The following MOG variants were observed in gnomAD, a reference collection of about 807,000 sequenced individuals.
The protein encoded by MOG is myelin oligodendrocyte glycoprotein.
A neutral mutation model predicts 35.9 loss-of-function variants in MOG; 20 were observed. That is an observed-to-expected ratio of 0.56 (90% confidence interval 0.39 to 0.81). The LOEUF is 0.81. MOG is among the 30% of genes least tolerant of loss of function. The pLI, the probability that MOG is intolerant of heterozygous loss-of-function variation, is 0.00. For synonymous variants in MOG, 92 were observed against 114.3 expected (o/e 0.80, Z 1.25); for missense variants, 251 against 301.0 (o/e 0.83, Z 1.23).
chr6:29,667,803 G>A (rs1770546089), intron 4 of MOG, 101 bp from the exon 5 acceptor site: 8 of 1,540,478 alleles, frequency 5.2e-6, no homozygotes, highest in Admixed American at 1.7e-5. Flanking sequence ...TGGGTGTGTC[G>A]TGCCTAGAAC....
intron 3 of MOG, among the ~76,000 whole-genome samples, chr6:29,666,606 G>A (rs748130957): frequency 1.1e-4 from 17 of 152,278 alleles, no homozygotes; most frequent in Non-Finnish European, 2.2e-4. Context: ...ATCATACCTA[G>A]CAGCTCCATG....
At chr6:29,664,870 CA>C (rs1320656593) in intron 2 of MOG, 4 of 280,940 alleles carry the variant, frequency 1.4e-5, no homozygotes, top group Non-Finnish European at 2.8e-5. Flanking sequence ...CTTGGCCTCC[CA>C]AAGTGGTGGG....
Position 29,670,668 on chromosome 6 carries a change from A to G in MOG, c.710-33A>G, listed in dbSNP as rs1167874884. The G allele has an allele frequency of 6.2e-7, 1 of 1,611,030 alleles. No individual in the cohort carries two copies. The highest frequency in any genetic ancestry group is 8.5e-7 in the Non-Finnish European group (1 of 1,179,076). ...GTGGGGAAGGTGCTATTCATCTTCCACTAATCACATATTTGTTTCTTTTTG... is the reference window on the plus strand; with the variant it reads ...GTGGGGAAGGTGCTATTCATCTTCCGCTAATCACATATTTGTTTCTTTTTG... On this transcript the variant is annotated intron_variant, in intron 6 of 7. Coordinates refer to ENST00000376917, the MANE Select transcript of MOG (RefSeq NM_206809.4). The surrounding 1 kb of genome is among the most constrained non-coding windows in gnomAD (Gnocchi z 4.2).
intron 1 of MOG, among the ~76,000 whole-genome samples, chr6:29,658,941 A>C (rs1296470750): frequency 1.3e-5 from 2 of 152,130 alleles, no homozygotes; most frequent in African/African-American, 4.8e-5. Flanking sequence ...GTGAAACCTC[A>C]TCTTTACTAA....
intron 2 of MOG, among the ~76,000 whole-genome samples, chr6:29,665,579 T>C (rs563199247): frequency 1.6e-4 from 24 of 152,306 alleles, no homozygotes; most frequent in Middle Eastern, 6.8e-3. Flanking sequence ...ATTACCACTG[T>C]CCTAGTTCAG....
At chr6:29,667,164 T>C in intron 3 of MOG, among the ~76,000 whole-genome samples, 1 of 152,206 alleles carries the variant, frequency 6.6e-6, no homozygotes, top group East Asian at 1.9e-4. Context: ...TTCAGTTGCC[T>C]TGTCTGTCAA....
In MOG at chr6:29,659,299, C is replaced by T; in HGVS notation, c.89-20C>T. ...GGTTCCCTCTGACCTTAAATCTCTT[C>T]CTTTTGGTGTCTTGGACAGGGCAGT... is the stretch of plus-strand genomic sequence containing the variant. On this transcript the variant is annotated intron_variant, in intron 1 of 7. Transcript: ENST00000376917. 6.2e-7 allele frequency: 1 copy of T among 1,611,958 alleles called. No individual in the cohort carries two copies. Among genetic ancestry groups the T allele is most frequent in the Non-Finnish European group, 8.5e-7 (1 of 1,179,094 alleles).
intron 2 of MOG, among the ~76,000 whole-genome samples, chr6:29,664,257 G>A (rs890996380): frequency 1.3e-5 from 2 of 150,626 alleles, no homozygotes; most frequent in Non-Finnish European, 3.0e-5. Flanking sequence ...ACCCAGGCTG[G>A]AGTGCAATGG....
chr6:29,668,049 TTAAA>T, intron 5 of MOG, 125 bp downstream of exon 5: 4 of 889,812 alleles, frequency 4.5e-6, no homozygotes, highest in Non-Finnish European at 7.4e-6. Context: ...TTTTCTTTCT[TTAAA>T]TAAGAAGTCA....
intron 2 of MOG, among the ~76,000 whole-genome samples, chr6:29,665,250 C>A (rs1021401272): frequency 6.6e-6 from 1 of 151,986 alleles, no homozygotes; most frequent in African/African-American, 2.4e-5. Context: ...GACTGTGCCA[C>A]CACGTCCAGC....
chr6:29,667,870 C>T, intron 4 of MOG, 34 bp from the exon 5 acceptor site: 1 of 1,613,432 alleles, frequency 6.2e-7, no homozygotes, highest in Admixed American at 1.7e-5. Context: ...TTTGAGTGCC[C>T]TACTAAATCC....
At position 29,667,624 on chromosome 6, in the gene MOG, T is replaced by G. The variant is rs201365011; in HGVS notation, c.551-19T>G. ...GCCAGAACATGCAGGAACTAAAATG[T>G]TGCCTTTTTCTATTTTAGGAAAACT... On this transcript the variant is annotated intron_variant, in intron 3 of 7. Transcript: ENST00000376917. 6.2e-7 allele frequency: 1 copy of G among 1,613,914 alleles called. No individual in the cohort carries two copies. Among genetic ancestry groups the G allele is most frequent in the East Asian group, 2.2e-5 (1 of 44,866 alleles).
At chr6:29,657,509 A>C (rs1562172560) in intron 1 of MOG, among the ~76,000 whole-genome samples, 1 of 150,462 alleles carries the variant, frequency 6.6e-6, no homozygotes. Flanking sequence ...TTTGAGACAG[A>C]GTCTCCCTCT....
intron 1 of MOG, 22 bp from the exon 2 acceptor site, chr6:29,659,297 T>C (rs1418049105): frequency 6.2e-7 from 1 of 1,612,012 alleles, no homozygotes. Context: ...CTTAAATCTC[T>C]TCCTTTTGGT....
intron 5 of MOG, among the ~76,000 whole-genome samples, chr6:29,668,961 CTT>C (rs1030261813): frequency 2.1e-5 from 3 of 146,204 alleles, no homozygotes; most frequent in Admixed American, 6.9e-5. Flanking sequence ...GAGTTTTGCT[CTT>C]GTCACCCAGG....
chr6:29,667,572 C>G, intron 3 of MOG, 71 bp from the exon 4 acceptor site: 1 of 1,538,080 alleles, frequency 6.5e-7, no homozygotes, highest in Non-Finnish European at 9.0e-7. Context: ...GGCCCAGGCG[C>G]TGGGTGTGGG....
intron 2 of MOG, among the ~76,000 whole-genome samples, chr6:29,660,365 CAA>C (rs41283830): frequency 2.0e-4 from 23 of 114,536 alleles, no homozygotes; most frequent in Admixed American, 2.7e-4. Context: ...ACTAAAAATA[CAA>C]AAAAAAAAAA....
chr6:29,661,565 A>G, intron 2 of MOG: 1 of 984,498 alleles, frequency 1.0e-6, no homozygotes, highest in African/African-American at 1.7e-5. Flanking sequence ...TCACACCTAT[A>G]ATCCCAAAAC....
chr6:29,668,016 G>A, intron 5 of MOG, 92 bp downstream of exon 5: 1 of 1,174,522 alleles, frequency 8.5e-7, no homozygotes, highest in Non-Finnish European at 1.3e-6. Context: ...CTGGCTCCTG[G>A]TTGAGTCCCT....
Sources: allele counts gnomAD v4.1 joint callset (sites outside exome capture counted in the v4.1 genomes callset), GRCh38; gene constraint gnomAD v4.1.1; non-coding constraint Gnocchi (gnomAD v3.1); transcripts MANE v1.5; gene names NCBI Gene and HGNC (gene_info 2026-07-23, HGNC 2026-07-21).